CDK19: variants seen among roughly 807,000 people sequenced by gnomAD.
The protein encoded by CDK19 is cyclin-dependent kinase 19.
A neutral mutation model predicts 68.3 loss-of-function variants in CDK19; 20 were observed. The observed-to-expected ratio is 0.29, with a 90% CI of 0.21 to 0.43. The LOEUF (loss-of-function observed/expected upper bound fraction) is 0.43. Ranked by LOEUF, CDK19 falls within the 20% of genes least tolerant of loss-of-function variation. CDK19 has a pLI of 1.00. For synonymous variants in CDK19, 221 were observed against 222.8 expected (o/e 0.99, Z 0.07); for missense variants, 339 against 623.5 (o/e 0.54, Z 4.86).
intron 4 of CDK19, among the ~76,000 whole-genome samples, chr6:110,653,419 AAAAGGATG>A (rs1352172939): frequency 2.0e-5 from 3 of 152,236 alleles, no homozygotes; most frequent in Non-Finnish European, 4.4e-5. Context: ...TAAAAAACCT[AAAAGGATG>A]AAGAAAGGAT....
At position 110,643,924 on chromosome 6, in the gene CDK19, A is replaced by C. The variant is rs147657432; in HGVS notation, c.457-5218T>G. On this transcript the variant is annotated intron_variant, in intron 4 of 12. Transcript: ENST00000368911. ...AGACCCCATCTCACTATTAAAATTT[A>C]AAATTTTAATTAAATTAATTAAAAA... Among the ~76,000 whole-genome samples, 1,158 of 152,222 alleles carry C rather than the reference A, an allele frequency of 7.6e-3. 9 individuals are homozygous for C. The highest frequency in any genetic ancestry group is 0.014 in the Middle Eastern group (4 of 294).
chr6:110,651,095 G>C (rs1780933369), intron 4 of CDK19, among the ~76,000 whole-genome samples: 1 of 152,194 alleles, frequency 6.6e-6, no homozygotes, highest in African/African-American at 2.4e-5. Flanking sequence ...CTCAGGCAAA[G>C]GGTTGGGAAG....
rs1355918581 is a variant in CDK19 at position 110,621,052 on chromosome 6, A to T, written c.1377+52T>A. On this transcript the variant is annotated intron_variant, in intron 12 of 12. Transcript: ENST00000368911. The surrounding 1 kb of genome is among the most constrained non-coding windows in gnomAD (Gnocchi z 5.4). The stretch of plus-strand genomic sequence containing the variant: ...CTTAACTCTAAAAGGATCTAGGATA[A>T]ATCTTTTCCCCACTTCATAAAGCAT... The T allele has an allele frequency of 3.3e-6, 5 of 1,528,618 alleles. No homozygotes were observed. Among genetic ancestry groups the T allele is most frequent in the Non-Finnish European group, 3.5e-6 (4 of 1,128,500 alleles). The allele number at this position is 1,528,618 out of a possible 1,614,324, so 94.7% of individuals were successfully genotyped here.
At chr6:110,637,957 T>A (rs2114752823) in intron 5 of CDK19, among the ~76,000 whole-genome samples, 1 of 152,246 alleles carries the variant, frequency 6.6e-6, no homozygotes, top group East Asian at 1.9e-4. Flanking sequence ...CACTCCAGCC[T>A]GGGCAACAGA....
At chr6:110,660,518 C>A (rs1309486338) in intron 4 of CDK19, among the ~76,000 whole-genome samples, 3 of 152,060 alleles carry the variant, frequency 2.0e-5, no homozygotes, top group Non-Finnish European at 4.4e-5. Context: ...TGTCCAGCAT[C>A]CAGGAGGAAT....
chr6:110,795,644 C>T (rs1425886322), intron 1 of CDK19, among the ~76,000 whole-genome samples: 1 of 152,026 alleles, frequency 6.6e-6, no homozygotes, highest in Non-Finnish European at 1.5e-5. Flanking sequence ...TTTGACACAG[C>T]AAATTAACTT....
At chr6:110,736,513 G>C (rs1191910306) in intron 2 of CDK19, among the ~76,000 whole-genome samples, 1 of 152,002 alleles carries the variant, frequency 6.6e-6, no homozygotes, top group Admixed American at 6.6e-5. Context: ...TGAAGCCAAA[G>C]GCATATTTAA....
At chr6:110,670,713 T>C (rs2691185) in intron 2 of CDK19, 172 bp from the exon 3 acceptor site, 205,474 of 655,546 alleles carry the variant, frequency 0.31, 38,537 homozygotes, top group East Asian at 0.71. Context: ...GCTCTGTCAA[T>C]ATCTTGGTGC....
chr6:110,675,627 C>CAAAAAAAA (rs57966061), intron 2 of CDK19, among the ~76,000 whole-genome samples: 8 of 56,536 alleles, frequency 1.4e-4, no homozygotes, highest in Non-Finnish European at 2.1e-4. Flanking sequence ...GACTCCATCT[C>CAAAAAAAA]AAAAAAAAAA....
intron 1 of CDK19, among the ~76,000 whole-genome samples, chr6:110,794,267 G>C (rs556742360): frequency 6.6e-6 from 1 of 151,734 alleles, no homozygotes; most frequent in Non-Finnish European, 1.5e-5. Flanking sequence ...GGCTGGTCTC[G>C]AACTCCTGAC....
At chr6:110,709,798 C>G (rs1433904370) in intron 2 of CDK19, among the ~76,000 whole-genome samples, 1 of 152,112 alleles carries the variant, frequency 6.6e-6, no homozygotes, top group Non-Finnish European at 1.5e-5. Context: ...CTTTAAGAAG[C>G]TGTAGTATTC....
At chr6:110,652,002 A>T (rs1781001547) in intron 4 of CDK19, among the ~76,000 whole-genome samples, 1 of 152,124 alleles carries the variant, frequency 6.6e-6, no homozygotes, top group African/African-American at 2.4e-5. Flanking sequence ...TGAACCCAGG[A>T]CATGGAGGTT....
intron 4 of CDK19, among the ~76,000 whole-genome samples, chr6:110,665,362 A>C (rs937075681): frequency 6.6e-6 from 1 of 152,236 alleles, no homozygotes; most frequent in African/African-American, 2.4e-5. Flanking sequence ...GTCTGCAAAG[A>C]GGTAAAATAA....
chr6:110,626,645 A>T, intron 8 of CDK19, 131 bp downstream of exon 8: 1 of 566,652 alleles, frequency 1.8e-6, no homozygotes, highest in Non-Finnish European at 3.0e-6. Flanking sequence ...CAAACATGCC[A>T]GTGCCTTGAC....
At chr6:110,632,981 G>A (rs1294265322) in intron 5 of CDK19, among the ~76,000 whole-genome samples, 1 of 152,168 alleles carries the variant, frequency 6.6e-6, no homozygotes, top group African/African-American at 2.4e-5. Flanking sequence ...AGCACTTTGG[G>A]AGGCCGAGGC....
chr6:110,789,343 A>T (rs1037430570), intron 1 of CDK19, among the ~76,000 whole-genome samples: 7 of 151,866 alleles, frequency 4.6e-5, no homozygotes, highest in Non-Finnish European at 1.0e-4. Flanking sequence ...CAGTGGCACA[A>T]TCTTGGCTCA....
At chr6:110,698,456 G>T (rs750909769) in intron 2 of CDK19, among the ~76,000 whole-genome samples, 6 of 152,192 alleles carry the variant, frequency 3.9e-5, no homozygotes, top group African/African-American at 7.2e-5. Flanking sequence ...ACCACAATGA[G>T]ATACCACCTT....
At chr6:110,798,905 G>C (rs1197384152) in intron 1 of CDK19, among the ~76,000 whole-genome samples, 1 of 151,504 alleles carries the variant, frequency 6.6e-6, no homozygotes, top group African/African-American at 2.4e-5. Flanking sequence ...TACTTTGGGA[G>C]GCTCAGGCAG....
At chr6:110,639,710 C>T (rs769624270) in intron 4 of CDK19, among the ~76,000 whole-genome samples, 14 of 151,948 alleles carry the variant, frequency 9.2e-5, no homozygotes, top group African/African-American at 1.2e-4. Context: ...TCAATGAAAA[C>T]AAAAAGCACT....
Sources: allele counts gnomAD v4.1 joint callset (sites outside exome capture counted in the v4.1 genomes callset), GRCh38; gene constraint gnomAD v4.1.1; non-coding constraint Gnocchi (gnomAD v3.1); transcripts MANE v1.5; gene names NCBI Gene and HGNC (gene_info 2026-07-23, HGNC 2026-07-21).